EDIL3: variants seen among roughly 807,000 people sequenced by gnomAD.
EDIL3 encodes EGF-like repeat and discoidin I-like domain-containing protein 3.
In EDIL3, 37 loss-of-function variants were observed where a neutral mutation model predicts 67.4. The observed-to-expected ratio is 0.55, with a 90% CI of 0.42 to 0.72. EDIL3 has a LOEUF of 0.72. EDIL3 is among the 30% of genes least tolerant of loss of function. The pLI is 0.00. For synonymous variants in EDIL3, 195 were observed against 196.3 expected (o/e 0.99, Z 0.05); for missense variants, 527 against 586.3 (o/e 0.90, Z 1.04).
At chr5:84,062,566 G>A (rs2112237578) in intron 8 of EDIL3, among the ~76,000 whole-genome samples, 1 of 152,168 alleles carries the variant, frequency 6.6e-6, no homozygotes, top group African/African-American at 2.4e-5. Context: ...GAATGAATGA[G>A]TATTCCTCCT....
intron 4 of EDIL3, among the ~76,000 whole-genome samples, chr5:84,139,952 G>T (rs1748160549): frequency 6.6e-6 from 1 of 152,148 alleles, no homozygotes; most frequent in Admixed American, 6.5e-5. Context: ...GAAGATGAAG[G>T]AGAGTGCTAG....
chr5:84,207,180 G>T (rs371599264), intron 3 of EDIL3, among the ~76,000 whole-genome samples: 7 of 152,170 alleles, frequency 4.6e-5, no homozygotes, highest in African/African-American at 7.2e-5. Flanking sequence ...CTTAAGCTGA[G>T]AAGCAACTTC....
intron 3 of EDIL3, among the ~76,000 whole-genome samples, chr5:84,208,682 T>A (rs1744043265): frequency 1.7e-5 from 1 of 58,468 alleles, no homozygotes; most frequent in Non-Finnish European, 2.9e-5. Context: ...CGAGACTCCG[T>A]CTCAAAAAAA....
intron 5 of EDIL3, among the ~76,000 whole-genome samples, chr5:84,130,089 C>A (rs1747935777): frequency 1.3e-5 from 2 of 152,038 alleles, no homozygotes; most frequent in South Asian, 4.1e-4. Context: ...CTCTACCACC[C>A]CTCCTCTTTC....
At chr5:84,176,200 T>A (rs1165936977) in intron 4 of EDIL3, among the ~76,000 whole-genome samples, 4 of 4,740 alleles carry the variant, frequency 8.4e-4, no homozygotes, top group South Asian at 7.1e-3. Flanking sequence ...ATATATATAA[T>A]ATATATATAT....
intron 10 of EDIL3, among the ~76,000 whole-genome samples, chr5:83,962,759 A>G (rs1413776189): frequency 6.6e-6 from 1 of 151,686 alleles, no homozygotes; most frequent in African/African-American, 2.4e-5. Flanking sequence ...TTAAGAAAAT[A>G]TAAATGTTTA....
At chr5:84,175,699 T>C (rs1178425856) in intron 4 of EDIL3, among the ~76,000 whole-genome samples, 1 of 152,148 alleles carries the variant, frequency 6.6e-6, no homozygotes, top group Non-Finnish European at 1.5e-5. Context: ...TATCAGAAAC[T>C]CAGGTCCAAC....
intron 1 of EDIL3, among the ~76,000 whole-genome samples, chr5:84,363,360 G>T (rs993228988): frequency 2.7e-5 from 4 of 150,882 alleles, no homozygotes; most frequent in African/African-American, 9.8e-5. Flanking sequence ...TGAGGCAGGA[G>T]AATCGCTTGA....
intron 1 of EDIL3, among the ~76,000 whole-genome samples, chr5:84,261,197 T>TA (rs750198704): frequency 3.9e-5 from 6 of 152,216 alleles, no homozygotes; most frequent in Non-Finnish European, 8.8e-5. Context: ...TAATTCTAGT[T>TA]AAAATTAGAT....
intron 2 of EDIL3, among the ~76,000 whole-genome samples, chr5:84,252,936 A>G (rs1164889888): frequency 6.6e-6 from 1 of 152,208 alleles, no homozygotes; most frequent in Non-Finnish European, 1.5e-5. Flanking sequence ...CCTTTCAGCA[A>G]TAATAAACTT....
chr5:84,179,454 T>C (rs1012304106), intron 4 of EDIL3, among the ~76,000 whole-genome samples: 3 of 152,190 alleles, frequency 2.0e-5, no homozygotes, highest in African/African-American at 7.2e-5. Flanking sequence ...CTTCTGGCCA[T>C]GGCATGTCTC....
chr5:84,278,620 G>A (rs1042284475), intron 1 of EDIL3, among the ~76,000 whole-genome samples: 18 of 152,072 alleles, frequency 1.2e-4, no homozygotes, highest in Admixed American at 8.5e-4. Context: ...AACATATTTC[G>A]TGTGGGTCCA....
At chr5:83,977,768 A>T (rs1312508576) in intron 9 of EDIL3, among the ~76,000 whole-genome samples, 1 of 151,842 alleles carries the variant, frequency 6.6e-6, no homozygotes, top group Non-Finnish European at 1.5e-5. Context: ...TTTCATAGTG[A>T]ATATTTTTTC....
chr5:84,027,480 G>C (rs1745836768), intron 9 of EDIL3, among the ~76,000 whole-genome samples: 2 of 152,170 alleles, frequency 1.3e-5, no homozygotes, highest in South Asian at 2.1e-4. Context: ...CATCCCTTCT[G>C]GAAGGTATAG....
chr5:84,086,698 G>A (rs1747078595), intron 6 of EDIL3, among the ~76,000 whole-genome samples: 1 of 152,082 alleles, frequency 6.6e-6, no homozygotes, highest in Non-Finnish European at 1.5e-5. Context: ...TCGTGAACAT[G>A]GTATTTTGCT....
At chr5:84,355,323 T>C (rs1374593357) in intron 1 of EDIL3, among the ~76,000 whole-genome samples, 1 of 152,054 alleles carries the variant, frequency 6.6e-6, no homozygotes, top group Non-Finnish European at 1.5e-5. Context: ...GCTGTGTTTT[T>C]CAGCTCCATC....
chr5:84,349,611 T>C (rs996746228), intron 1 of EDIL3, among the ~76,000 whole-genome samples: 4 of 152,124 alleles, frequency 2.6e-5, no homozygotes, highest in Admixed American at 2.0e-4. Context: ...TTCACATATC[T>C]CCAGTCATCT....
intron 6 of EDIL3, among the ~76,000 whole-genome samples, chr5:84,072,193 C>T (rs904296226): frequency 6.6e-6 from 1 of 151,872 alleles, no homozygotes; most frequent in African/African-American, 2.4e-5. Context: ...ATACAAATGA[C>T]AAATGGGGAT....
At position 84,176,198 on chromosome 5, in the gene EDIL3, A is replaced by AT. The variant is rs1478581402; in HGVS notation, c.355+4194_355+4195insA. 2.9e-3 allele frequency among the ~76,000 whole-genome samples: 223 copies of AT among 77,226 alleles called. 1 individual carries two copies. Among genetic ancestry groups the AT allele is most frequent in the Middle Eastern group, 9.8e-3 (1 of 102 alleles). 50.7% of individuals were successfully genotyped at this position (77,226 alleles called of 152,430 possible). A position where few individuals can be genotyped will look rare whatever the true frequency, so the allele number is the denominator to read the frequency against. Reference sequence around the variant, plus strand: ...TGGTAAAAAATATATATATATATATAATATATATATATATATATATATATA... The same window carrying AT: ...TGGTAAAAAATATATATATATATATATATATATATATATATATATATATATA... On this transcript the variant is annotated intron_variant, in intron 4 of 10. Transcript: ENST00000296591.
Sources: gnomAD v4.1 joint callset for allele counts (sites outside exome capture counted in the v4.1 genomes callset) on GRCh38, gnomAD v4.1.1 for gene constraint, MANE v1.5 for transcripts, NCBI Gene and HGNC (gene_info 2026-07-23, HGNC 2026-07-21) for gene names.